Variants in KATNBL1 observed in about 807,000 individuals in gnomAD.
KATNBL1 encodes the protein KATNB1-like protein 1.
A neutral mutation model predicts 44.7 loss-of-function variants in KATNBL1; 28 were observed. The ratio of observed to expected loss-of-function variants is 0.63; its 90% CI spans 0.46 to 0.86. The LOEUF (loss-of-function observed/expected upper bound fraction) is 0.86. Among genes scored for constraint, KATNBL1 ranks in the 40% least tolerant of loss-of-function variants. The probability of loss-of-function intolerance (pLI) is 0.00; values close to 1 mark genes in which losing one functional copy is unlikely to be tolerated. For missense variants in KATNBL1, 272 were observed against 350.7 expected (o/e 0.78, Z 1.79); for synonymous variants, 78 against 114.9 (o/e 0.68, Z 2.06).
At chr15:34,179,867 T>C (rs1889467915) in intron 1 of KATNBL1, among the ~76,000 whole-genome samples, 1 of 152,268 alleles carries the variant, frequency 6.6e-6, no homozygotes, top group African/African-American at 2.4e-5. Flanking sequence ...ATAAATATTT[T>C]AACTTAATGA....
At chr15:34,153,306 A>G (rs1370249087) in intron 3 of KATNBL1, among the ~76,000 whole-genome samples, 3 of 152,250 alleles carry the variant, frequency 2.0e-5, no homozygotes, top group East Asian at 1.9e-4. Context: ...GAAGACAGAC[A>G]TAATAACCAG....
chr15:34,209,446 G>A (rs74444992), intron 1 of KATNBL1: 20,547 of 152,126 alleles, frequency 0.14, 1,464 homozygotes, highest in African/African-American at 0.16. Context: ...ATACAGTAAG[G>A]TTTTTAAAGT....
At chr15:34,142,657 T>C in intron 9 of KATNBL1, 4 of 337,832 alleles carry the variant, frequency 1.2e-5, no homozygotes, top group Non-Finnish European at 1.1e-5. Flanking sequence ...CTATCAGTGC[T>C]GTTTACTATC....
At chr15:34,206,411 T>C (rs1387013466) in intron 1 of KATNBL1, among the ~76,000 whole-genome samples, 1 of 152,182 alleles carries the variant, frequency 6.6e-6, no homozygotes, top group Non-Finnish European at 1.5e-5. Context: ...CGCAGAAGTC[T>C]CCAAAGTTAA....
chr15:34,181,560 C>CCATATATATATCCATATATATA, intron 1 of KATNBL1, among the ~76,000 whole-genome samples: 1 of 143,890 alleles, frequency 6.9e-6, no homozygotes. Context: ...ATATATATGT[C>CCATATATATATCCATATATATA]CATATATATA....
At chr15:34,167,406 T>C (rs1350728661) in intron 1 of KATNBL1, among the ~76,000 whole-genome samples, 2 of 151,476 alleles carry the variant, frequency 1.3e-5, no homozygotes, top group African/African-American at 2.4e-5. Flanking sequence ...GAAAAAAGAG[T>C]GAAAAGAAAC....
intron 1 of KATNBL1, among the ~76,000 whole-genome samples, chr15:34,182,963 T>C (rs962020333): frequency 9.9e-5 from 15 of 151,912 alleles, no homozygotes; most frequent in Non-Finnish European, 7.4e-5. Flanking sequence ...CTCAATAATC[T>C]GACTTAAAAA....
At chr15:34,173,226 T>C (rs1039598919) in intron 1 of KATNBL1, among the ~76,000 whole-genome samples, 15 of 152,112 alleles carry the variant, frequency 9.9e-5, no homozygotes, top group Admixed American at 7.9e-4. Flanking sequence ...TTAAGAAAAC[T>C]GTACAAGGTT....
intron 1 of KATNBL1, among the ~76,000 whole-genome samples, chr15:34,207,805 G>A (rs753769803): frequency 5.9e-5 from 9 of 152,004 alleles, no homozygotes; most frequent in Non-Finnish European, 8.8e-5. Flanking sequence ...GTCTCGCTAT[G>A]TTGCCTAGGC....
At chr15:34,207,200 T>C (rs1461982056) in intron 1 of KATNBL1, among the ~76,000 whole-genome samples, 4 of 151,770 alleles carry the variant, frequency 2.6e-5, no homozygotes, top group Admixed American at 2.6e-4. Flanking sequence ...CCACTACACC[T>C]GCCTAATTTT....
chr15:34,176,549 T>C (rs1282332501), intron 1 of KATNBL1, among the ~76,000 whole-genome samples: 4 of 152,102 alleles, frequency 2.6e-5, no homozygotes, highest in Non-Finnish European at 5.9e-5. Flanking sequence ...TAGGCTAGGA[T>C]GGGAGTGGGA....
intron 1 of KATNBL1, among the ~76,000 whole-genome samples, chr15:34,200,892 C>CT (rs1890162564): frequency 6.6e-6 from 1 of 152,156 alleles, no homozygotes; most frequent in Admixed American, 6.5e-5. Context: ...TCTCAGCTCA[C>CT]TGCAACCTCT....
chr15:34,192,411 A>AAC (rs1391157872), intron 1 of KATNBL1, among the ~76,000 whole-genome samples: 2 of 152,040 alleles, frequency 1.3e-5, no homozygotes, highest in African/African-American at 2.4e-5. Flanking sequence ...CTCAAAAAAA[A>AAC]AAAAAAAACA....
chr15:34,142,236 T>C lies in KATNBL1; in HGVS notation c.*103A>G, dbSNP rs1188901491. On this transcript the variant is annotated 3_prime_UTR_variant, in exon 10 of 10. Transcript: ENST00000256544. Reference sequence around the variant, plus strand: ...TTTAAAAGAAAAAATAGTTTTGATTTCTTCCACAGTTCACAGTTCTCAGAC... The same window carrying C: ...TTTAAAAGAAAAAATAGTTTTGATTCCTTCCACAGTTCACAGTTCTCAGAC... 6 of 1,169,596 alleles carry C rather than the reference T, an allele frequency of 5.1e-6. No homozygotes were observed. The highest frequency in any genetic ancestry group is 6.8e-6 in the Non-Finnish European group (6 of 877,658). The allele number at this position is 1,169,596 out of a possible 1,614,324, so 72.5% of individuals were successfully genotyped here.
chr15:34,184,576 C>CTTTTTCTTTT (rs1889665499), intron 1 of KATNBL1, among the ~76,000 whole-genome samples: 1 of 95,258 alleles, frequency 1.0e-5, no homozygotes, highest in African/African-American at 3.9e-5. Context: ...CCTAATGTTT[C>CTTTTTCTTTT]TTTTTTTTTT....
At chr15:34,182,635 T>A (rs982309506) in intron 1 of KATNBL1, among the ~76,000 whole-genome samples, 2 of 152,186 alleles carry the variant, frequency 1.3e-5, no homozygotes, top group Non-Finnish European at 2.9e-5. Context: ...GGTTTATTCA[T>A]GATTTTTTTC....
At chr15:34,193,465 C>T (rs557579547) in intron 1 of KATNBL1, among the ~76,000 whole-genome samples, 1 of 151,872 alleles carries the variant, frequency 6.6e-6, no homozygotes, top group East Asian at 1.9e-4. Context: ...ACCTGGGATG[C>T]GGAGGTTGCA....
chr15:34,144,922 C>T (rs1242869545), intron 9 of KATNBL1: 11 of 314,788 alleles, frequency 3.5e-5, no homozygotes, highest in South Asian at 1.1e-4. Context: ...GCAATTTTTA[C>T]TTTTTCCTTT....
intron 1 of KATNBL1, chr15:34,208,860 A>G (rs550070008): frequency 4.6e-5 from 7 of 152,274 alleles, no homozygotes; most frequent in Non-Finnish European, 7.3e-5. Context: ...GAGGTAGTAG[A>G]GCAACAGAGT....
Sources: allele counts gnomAD v4.1 joint callset (sites outside exome capture counted in the v4.1 genomes callset), GRCh38; gene constraint gnomAD v4.1.1; transcripts MANE v1.5; gene names NCBI Gene and HGNC (gene_info 2026-07-23, HGNC 2026-07-21).